Variants in LRRC4C observed in about 807,000 individuals in gnomAD.
LRRC4C encodes the protein leucine-rich repeat-containing protein 4C.
LRRC4C carries 5 observed loss-of-function variants against 33.6 expected under a neutral mutation model. The observed-to-expected ratio is 0.15, with a 90% CI of 0.08 to 0.31. LRRC4C has a LOEUF of 0.31. Among genes scored for constraint, LRRC4C ranks in the 10% least tolerant of loss-of-function variants. The probability of loss-of-function intolerance (pLI) is 1.00; values close to 1 mark genes in which losing one functional copy is unlikely to be tolerated. For missense variants in LRRC4C, 560 were observed against 796.7 expected (o/e 0.70, Z 3.58); for synonymous variants, 329 against 302.0 (o/e 1.09, Z -0.93).
At position 40,624,840 on chromosome 11, in the gene LRRC4C, A is replaced by T. The variant is rs553649117; in HGVS notation, c.-270+23302T>A. 2.0e-5 allele frequency among the ~76,000 whole-genome samples: 3 copies of T among 152,280 alleles called. No individual in the cohort carries two copies. The East Asian group carries it at 5.8e-4, about 29-fold the overall frequency. On this transcript the variant is annotated intron_variant, in intron 3 of 6. Coordinates refer to ENST00000528697, the MANE Select transcript of LRRC4C (RefSeq NM_001258419.2). The stretch of plus-strand genomic sequence containing the variant: ...ATAAGTCTGGATAAATGACTACCAC[A>T]TTTGAATTTAGATTTTAACTTCAAG...
intron 3 of LRRC4C, among the ~76,000 whole-genome samples, chr11:40,517,184 T>C (rs17407151): frequency 0.38 from 58,266 of 151,998 alleles, 11,938 homozygotes; most frequent in East Asian, 0.66. Flanking sequence ...TATAATTTAC[T>C]GGCAGAAAAT....
intron 1 of LRRC4C, among the ~76,000 whole-genome samples, chr11:41,109,925 T>G (rs1941731622): frequency 6.6e-6 from 1 of 152,166 alleles, no homozygotes; most frequent in African/African-American, 2.4e-5. Flanking sequence ...TTCGAGATCA[T>G]TTCTTGAGAC....
intron 1 of LRRC4C, among the ~76,000 whole-genome samples, chr11:41,178,859 T>C (rs1420666649): frequency 6.6e-6 from 1 of 152,108 alleles, no homozygotes; most frequent in Non-Finnish European, 1.5e-5. Flanking sequence ...CCCACCACCA[T>C]GCCCAGCTAA....
At chr11:40,339,556 T>C (rs1946773494) in intron 3 of LRRC4C, among the ~76,000 whole-genome samples, 1 of 152,224 alleles carries the variant, frequency 6.6e-6, no homozygotes, top group South Asian at 2.1e-4. Context: ...AGCAGTACTT[T>C]GCATAAAGCT....
intron 1 of LRRC4C, among the ~76,000 whole-genome samples, chr11:40,934,963 G>T (rs1304644438): frequency 6.6e-6 from 1 of 152,090 alleles, no homozygotes; most frequent in Non-Finnish European, 1.5e-5. Context: ...TATGCAAAAA[G>T]ACTTAACACA....
intron 1 of LRRC4C, among the ~76,000 whole-genome samples, chr11:41,169,426 C>A (rs1330367122): frequency 2.0e-5 from 3 of 152,052 alleles, no homozygotes; most frequent in African/African-American, 4.8e-5. Context: ...TGTTGTATGC[C>A]CCAATCACTC....
rs56027023 is a variant in LRRC4C, at chr11:40,274,424, TACACACACAC to T, written c.-175-32836_-175-32827del. On this transcript the variant is annotated intron_variant, in intron 4 of 6. Transcript: ENST00000528697. ...TTACCCTGCGGAATAGACACACACA[TACACACACAC>T]ACACACACACACACACACACACACA... Among the ~76,000 whole-genome samples the T allele has an allele frequency of 6.4e-4, 89 of 139,062 alleles. 1 individual carries two copies. The South Asian group carries it at 9.0e-3, about 14-fold the overall frequency. 91.2% of individuals were successfully genotyped at this position (139,062 alleles called of 152,430 possible). A position where few individuals can be genotyped will look rare whatever the true frequency, so the allele number is the denominator to read the frequency against.
At chr11:41,225,756 G>T (rs1401967030) in intron 1 of LRRC4C, among the ~76,000 whole-genome samples, 2 of 152,058 alleles carry the variant, frequency 1.3e-5, no homozygotes, top group East Asian at 1.9e-4. Context: ...TTTAACAGAT[G>T]GTCCCCAACA....
intron 1 of LRRC4C, among the ~76,000 whole-genome samples, chr11:41,135,351 GA>G (rs1346760505): frequency 6.6e-6 from 1 of 152,164 alleles, no homozygotes; most frequent in Non-Finnish European, 1.5e-5. Context: ...AGGAGCTAGG[GA>G]AGGAGAGAGA....
intron 1 of LRRC4C, among the ~76,000 whole-genome samples, chr11:41,446,478 G>A (rs1047488035): frequency 2.0e-5 from 3 of 152,058 alleles, no homozygotes; most frequent in East Asian, 1.9e-4. Context: ...TGTGCTGGCT[G>A]TTAGTGACAT....
intron 1 of LRRC4C, among the ~76,000 whole-genome samples, chr11:41,164,504 CAT>C (rs1285778749): frequency 1.3e-5 from 2 of 152,090 alleles, no homozygotes; most frequent in Admixed American, 1.3e-4. Flanking sequence ...AAACCAATAA[CAT>C]AGTAATTTAC....
At chr11:41,153,516 G>C (rs1263280242) in intron 1 of LRRC4C, among the ~76,000 whole-genome samples, 2 of 152,136 alleles carry the variant, frequency 1.3e-5, no homozygotes, top group African/African-American at 4.8e-5. Context: ...GAATATATGA[G>C]GGTTTTGGAA....
chr11:40,220,513 T>C (rs10466467), intron 5 of LRRC4C, among the ~76,000 whole-genome samples: 113,595 of 152,058 alleles, frequency 0.75, 46,282 homozygotes, highest in East Asian at 0.96. Context: ...CCCTCTCTGA[T>C]TGACCTTGCA....
chr11:40,731,477 T>G (rs1238198004), intron 2 of LRRC4C, among the ~76,000 whole-genome samples: 1 of 152,146 alleles, frequency 6.6e-6, no homozygotes, highest in Non-Finnish European at 1.5e-5. Flanking sequence ...GCTGGTACCA[T>G]GCTTGTACAG....
At chr11:40,863,627 G>T (rs1336288853) in intron 2 of LRRC4C, among the ~76,000 whole-genome samples, 3 of 152,130 alleles carry the variant, frequency 2.0e-5, no homozygotes, top group Admixed American at 1.3e-4. Context: ...AGAAAATTTT[G>T]TGAGCCATAT....
chr11:41,398,782 T>C (rs1378866027), intron 1 of LRRC4C, among the ~76,000 whole-genome samples: 1 of 151,912 alleles, frequency 6.6e-6, no homozygotes, highest in Non-Finnish European at 1.5e-5. Flanking sequence ...AATTCTACCA[T>C]GGTAAAGCCT....
At chr11:40,411,690 AACAATGTAAGATT>A (rs1481381414) in intron 3 of LRRC4C, among the ~76,000 whole-genome samples, 6 of 152,090 alleles carry the variant, frequency 3.9e-5, no homozygotes, top group African/African-American at 1.4e-4. Context: ...TTTAAGAGGA[AACAATGTAAGATT>A]ACTGTAATTA....
intron 1 of LRRC4C, among the ~76,000 whole-genome samples, chr11:41,402,613 G>A (rs1954067772): frequency 6.6e-6 from 1 of 151,978 alleles, no homozygotes; most frequent in African/African-American, 2.4e-5. Flanking sequence ...AGAGTTAACT[G>A]TCAATGTATT....
At chr11:41,020,226 C>A (rs1342889412) in intron 1 of LRRC4C, among the ~76,000 whole-genome samples, 2 of 152,038 alleles carry the variant, frequency 1.3e-5, no homozygotes, top group Non-Finnish European at 2.9e-5. Flanking sequence ...CTCCTTAAAC[C>A]ATTTTAATGG....
Sources: gnomAD v4.1 joint callset for allele counts (sites outside exome capture counted in the v4.1 genomes callset) on GRCh38, gnomAD v4.1.1 for gene constraint, MANE v1.5 for transcripts, NCBI Gene and HGNC (gene_info 2026-07-23, HGNC 2026-07-21) for gene names.